Variants in PIGK observed in about 807,000 individuals in gnomAD.
PIGK encodes the protein phosphatidylinositol glycan anchor biosynthesis class K.
PIGK carries 42 observed loss-of-function variants against 50.6 expected under a neutral mutation model. That is an observed-to-expected ratio of 0.83 (90% CI 0.65 to 1.07). PIGK has a LOEUF of 1.07. PIGK is among the 50% of genes least tolerant of loss of function. The probability of loss-of-function intolerance (pLI) is 0.00; values close to 1 mark genes in which losing one functional copy is unlikely to be tolerated. For synonymous variants in PIGK, 151 were observed against 156.0 expected, an observed-to-expected ratio of 0.97 and a Z score of 0.24; for missense variants, 448 against 488.7, an observed-to-expected ratio of 0.92 and a Z score of 0.78.
At chr1:77,118,117 G>A (rs187635025) in intron 10 of PIGK, among the ~76,000 whole-genome samples, 5 of 152,318 alleles carry the variant, frequency 3.3e-5, no homozygotes, top group African/African-American at 1.2e-4. Context: ...AGGCATGTCT[G>A]TGTGAGTCTA....
At chr1:77,094,998 T>C (rs890009778) in intron 10 of PIGK, among the ~76,000 whole-genome samples, 1 of 152,182 alleles carries the variant, frequency 6.6e-6, no homozygotes, top group Non-Finnish European at 1.5e-5. Flanking sequence ...CTTATTCACA[T>C]GATAACACTG....
intron 10 of PIGK, among the ~76,000 whole-genome samples, chr1:77,112,751 A>T (rs1653883211): frequency 6.6e-6 from 1 of 152,090 alleles, no homozygotes. Context: ...AAGCAGGTAC[A>T]AATATACAGC....
intron 10 of PIGK, among the ~76,000 whole-genome samples, chr1:77,100,031 G>A (rs1036062113): frequency 1.3e-5 from 2 of 152,118 alleles, no homozygotes; most frequent in Admixed American, 6.5e-5. Context: ...TTCCAATTGC[G>A]AATAGTACTC....
At chr1:77,180,407 C>T (rs910551004) in intron 3 of PIGK, among the ~76,000 whole-genome samples, 12 of 152,108 alleles carry the variant, frequency 7.9e-5, no homozygotes, top group Non-Finnish European at 1.2e-4. Flanking sequence ...AGGGCACATA[C>T]ATATACATCT....
intron 10 of PIGK, among the ~76,000 whole-genome samples, chr1:77,096,881 CTTTTTTTT>C (rs141858558): frequency 2.6e-4 from 32 of 124,318 alleles, no homozygotes; most frequent in Non-Finnish European, 4.0e-4. Flanking sequence ...TCGGGTTTTT[CTTTTTTTT>C]TTTTTTTTGT....
intron 10 of PIGK, among the ~76,000 whole-genome samples, chr1:77,106,644 A>G (rs1470977938): frequency 6.6e-6 from 1 of 152,098 alleles, no homozygotes; most frequent in Admixed American, 6.6e-5. Context: ...CTCAATGACA[A>G]TAACCTGAAA....
At chr1:77,204,104 C>T (rs1656233805) in intron 3 of PIGK, among the ~76,000 whole-genome samples, 1 of 152,144 alleles carries the variant, frequency 6.6e-6, no homozygotes, top group Non-Finnish European at 1.5e-5. Context: ...AGAACAGAGT[C>T]ATATTTTTCT....
At chr1:77,190,525 T>A (rs559957611) in intron 3 of PIGK, among the ~76,000 whole-genome samples, 1 of 152,330 alleles carries the variant, frequency 6.6e-6, no homozygotes, top group East Asian at 1.9e-4. Context: ...TTATGGCACA[T>A]AATTAAAATA....
At chr1:77,172,441 T>C (rs180778493) in intron 3 of PIGK, among the ~76,000 whole-genome samples, 1 of 152,338 alleles carries the variant, frequency 6.6e-6, no homozygotes, top group Non-Finnish European at 1.5e-5. Flanking sequence ...GGAGTCTCTC[T>C]GAATCTGCTG....
chr1:77,129,799 A>G, intron 9 of PIGK: 1 of 462,446 alleles, frequency 2.2e-6, no homozygotes, highest in Non-Finnish European at 3.5e-6. Flanking sequence ...ATAATTATTT[A>G]GAAGTGGACT....
At chr1:77,214,496 A>C (rs556426991) in intron 1 of PIGK, among the ~76,000 whole-genome samples, 1 of 152,246 alleles carries the variant, frequency 6.6e-6, no homozygotes, top group East Asian at 1.9e-4. Flanking sequence ...TATAGAAGGA[A>C]CACACCTAAA....
At chr1:77,095,120 G>C (rs1653380728) in intron 10 of PIGK, among the ~76,000 whole-genome samples, 1 of 152,094 alleles carries the variant, frequency 6.6e-6, no homozygotes, top group African/African-American at 2.4e-5. Context: ...AATGGAAAAT[G>C]CATTATGAAC....
intron 3 of PIGK, among the ~76,000 whole-genome samples, chr1:77,196,307 T>C (rs770048432): frequency 2.7e-5 from 4 of 150,686 alleles, no homozygotes; most frequent in Admixed American, 1.3e-4. Context: ...CATGTGTCTT[T>C]ATGGTAGAAC....
intron 3 of PIGK, among the ~76,000 whole-genome samples, chr1:77,186,818 G>A (rs1033369452): frequency 6.6e-6 from 1 of 152,150 alleles, no homozygotes; most frequent in Non-Finnish European, 1.5e-5. Flanking sequence ...CAATTTGCCA[G>A]CAGCAGAGAC....
intron 3 of PIGK, chr1:77,195,337 A>G (rs1656008852): frequency 1.5e-6 from 2 of 1,298,296 alleles, no homozygotes; most frequent in Admixed American, 1.7e-5. Flanking sequence ...CACCAAGTTG[A>G]GCCAGCGGGC....
intron 3 of PIGK, among the ~76,000 whole-genome samples, chr1:77,194,333 G>A (rs977948581): frequency 2.0e-5 from 3 of 151,846 alleles, no homozygotes; most frequent in African/African-American, 7.3e-5. Context: ...CATATTCAAA[G>A]GAATATAAGT....
In PIGK at chr1:77,163,948, A is replaced by C; in HGVS notation, c.488-6T>G. 1 of 1,523,328 alleles carries C rather than the reference A, an allele frequency of 6.6e-7. No homozygotes were observed. Among genetic ancestry groups the C allele is most frequent in the Middle Eastern group, 1.7e-4 (1 of 5,890 alleles). The allele number at this position is 1,523,328 out of a possible 1,614,324, so 94.4% of individuals were successfully genotyped here. ...GAAACCATTTCCACCATGCCCTTGTATAAAGAGTAAAAAAGATCAATAGAT... is the reference window on the plus strand; with the variant it reads ...GAAACCATTTCCACCATGCCCTTGTCTAAAGAGTAAAAAAGATCAATAGAT... On this transcript the variant is annotated splice_polypyrimidine_tract_variant and splice_region_variant and intron_variant, in intron 5 of 10. Coordinates refer to ENST00000370812, the MANE Select transcript of PIGK (RefSeq NM_005482.3).
At chr1:77,096,881 C>CTTTTTTTTTTTTTTTTTTTTTTTTTTT (rs141858558) in intron 10 of PIGK, among the ~76,000 whole-genome samples, 26 of 124,274 alleles carry the variant, frequency 2.1e-4, no homozygotes, top group South Asian at 2.7e-4. Flanking sequence ...TCGGGTTTTT[C>CTTTTTTTTTTTTTTTTTTTTTTTTTTT]TTTTTTTTTT....
intron 3 of PIGK, among the ~76,000 whole-genome samples, chr1:77,179,621 C>T (rs1655567146): frequency 6.6e-6 from 1 of 152,100 alleles, no homozygotes; most frequent in African/African-American, 2.4e-5. Flanking sequence ...AATATTCTTC[C>T]ACCACATGGC....
Sources: gnomAD v4.1 joint callset for allele counts (sites outside exome capture counted in the v4.1 genomes callset) on GRCh38, gnomAD v4.1.1 for gene constraint, MANE v1.5 for transcripts, NCBI Gene and HGNC (gene_info 2026-07-23, HGNC 2026-07-21) for gene names.